The following MUC15 variants were observed in gnomAD, a reference collection of about 807,000 sequenced individuals.
The protein encoded by MUC15 is mucin-15.
Under a neutral mutation model 24.0 loss-of-function variants are expected in MUC15, and 23 were observed. The observed-to-expected ratio is 0.96, with a 90% CI of 0.69 to 1.36. MUC15 has a LOEUF of 1.36. MUC15 is among the 40% of genes most tolerant of loss of function. MUC15 has a pLI of 0.00. For missense variants in MUC15, 442 were observed against 428.2 expected (o/e 1.03, Z -0.29); for synonymous variants, 151 against 156.3 (o/e 0.97, Z 0.25).
At chr11:26,564,947 C>A (rs1040041893) in intron 3 of MUC15, among the ~76,000 whole-genome samples, 2 of 150,642 alleles carry the variant, frequency 1.3e-5, no homozygotes, top group Non-Finnish European at 3.0e-5. Flanking sequence ...TGTCTCCTTA[C>A]ACTCCCAAAG....
intron 1 of MUC15, among the ~76,000 whole-genome samples, chr11:26,568,946 T>A (rs186176800): frequency 3.5e-3 from 529 of 152,250 alleles, no homozygotes; most frequent in African/African-American, 0.012. Context: ...TGGCATTCGA[T>A]TTATTTTCTC....
rs1221285154 is a variant in MUC15, at chr11:26,565,796, G to A, written c.144C>T (p.Ser48=). 4.3e-6 allele frequency: 7 copies of A among 1,612,974 alleles called. No homozygotes were observed. Among genetic ancestry groups the A allele is most frequent in the South Asian group, 1.1e-5 (1 of 91,044 alleles). ...STLFYSLLSG[S]HGKENQDINT... ...TTATGTCTTGATTTTCTTTTCCATG[G>A]CTCCCCGATAGAAGTGAATAAAACA... The change falls in exon 3 of 5, where the codon AGC becomes AGT. Residue 48 remains serine (S), a synonymous_variant. Transcript: ENST00000529533.
At chr11:26,561,913 C>T (rs1850309674) in intron 4 of MUC15, among the ~76,000 whole-genome samples, 1 of 151,934 alleles carries the variant, frequency 6.6e-6, no homozygotes, top group South Asian at 2.1e-4. Flanking sequence ...TATCAGTAAA[C>T]TATTCACTTA....
In MUC15 at chr11:26,565,675, T is replaced by C. The variant is rs746072941; in HGVS notation, c.265A>G (p.Ile89Val). ...CTCGCCTTGAGATTTGAGGTGGTTA[T>C]ATTTTCTTTATCTGAGTTTAAGTTT... ...EANLNSDKEN[I>V]TTSNLKASHS... Residue 89 changes from isoleucine (I) to valine (V), a missense_variant, in exon 3 of 5, where the codon ATA becomes GTA. Ile to Val is a conservative substitution (Grantham distance 29). Transcript: ENST00000529533. 3 of 1,613,298 alleles carry C rather than the reference T, an allele frequency of 1.9e-6. No individual in the cohort carries two copies. The highest frequency in any genetic ancestry group is 1.7e-5 in the Admixed American group (1 of 59,826).
chr11:26,571,264 T>C (rs1378472866), intron 1 of MUC15, among the ~76,000 whole-genome samples: 1 of 152,100 alleles, frequency 6.6e-6, no homozygotes, highest in Non-Finnish European at 1.5e-5. Flanking sequence ...TACTGTAATG[T>C]CTATAGGAGC....
chr11:26,561,061 A>G lies in MUC15; in HGVS notation c.*4T>C. The G allele has an allele frequency of 6.2e-7, 1 of 1,602,176 alleles. No homozygotes were observed. Among genetic ancestry groups the G allele is most frequent in the South Asian group, 1.1e-5 (1 of 88,956 alleles). On this transcript the variant is annotated 3_prime_UTR_variant, in exon 5 of 5. Coordinates refer to ENST00000529533, the MANE Select transcript of MUC15 (RefSeq NM_001135091.2). ...TGCTGTTTAACGCCTTTTTGCTGTT[A>G]GTTCTATACAGAAGTACGAAGTGGA...
intron 4 of MUC15, among the ~76,000 whole-genome samples, chr11:26,561,521 A>G (rs541246108): frequency 2.6e-5 from 4 of 152,084 alleles, no homozygotes; most frequent in African/African-American, 9.6e-5. Flanking sequence ...AGTGTAGACC[A>G]TACCTCATTG....
At position 26,560,162 on chromosome 11, in the gene MUC15, G is replaced by T; in HGVS notation, c.*903C>A. Reference sequence around the variant, plus strand: ...TTCCATTCATCTTTTTTAACCTTATGGTTCATACATTTAGGGATGCAGAAT... The same window carrying T: ...TTCCATTCATCTTTTTTAACCTTATTGTTCATACATTTAGGGATGCAGAAT... On this transcript the variant is annotated 3_prime_UTR_variant, in exon 5 of 5. Coordinates refer to ENST00000529533, the MANE Select transcript of MUC15 (RefSeq NM_001135091.2). 2 of 173,880 alleles carry T rather than the reference G, an allele frequency of 1.2e-5. No homozygotes were observed. The highest frequency in any genetic ancestry group is 2.4e-5 in the Non-Finnish European group (2 of 81,706). The allele number at this position is 173,880 out of a possible 1,614,324, so 10.8% of individuals were successfully genotyped here.
intron 1 of MUC15, among the ~76,000 whole-genome samples, chr11:26,569,088 T>C (rs1850715405): frequency 6.6e-6 from 1 of 151,688 alleles, no homozygotes; most frequent in Admixed American, 6.6e-5. Flanking sequence ...TTTCATTACC[T>C]GCCTGTAATG....
intron 3 of MUC15, 130 bp from the exon 4 acceptor site, chr11:26,563,395 C>CTCTCTCTCTGTGTGTG (rs371195680): frequency 1.9e-6 from 1 of 538,882 alleles, no homozygotes. Context: ...GTTTCTCTCT[C>CTCTCTCTCTGTGTGTG]TGTGTGTGTG....
Position 26,559,141 on chromosome 11 carries a change from A to T in MUC15, c.*1924T>A, listed in dbSNP as rs1346145424. ...ATGAAGTTTCAGTTGATATCTGATTAAAAAACACTTTGTTTCATAAGTGTT... is the reference window on the plus strand; with the variant it reads ...ATGAAGTTTCAGTTGATATCTGATTTAAAAACACTTTGTTTCATAAGTGTT... On this transcript the variant is annotated 3_prime_UTR_variant, in exon 5 of 5. Coordinates refer to ENST00000529533, the MANE Select transcript of MUC15 (RefSeq NM_001135091.2). 6.6e-6 allele frequency: 1 copy of T among 152,250 alleles called. No individual in the cohort carries two copies. 9.4% of individuals were successfully genotyped at this position (152,250 alleles called of 1,614,324 possible).
intron 1 of MUC15, among the ~76,000 whole-genome samples, chr11:26,571,044 C>T (rs1440761628): frequency 1.3e-5 from 2 of 152,018 alleles, no homozygotes; most frequent in African/African-American, 2.4e-5. Flanking sequence ...AGTTTGAGAA[C>T]ATTATTCTGG....
Position 26,563,220 on chromosome 11 carries a change from A to G in MUC15, c.821T>C (p.Ile274Thr). ...GIVFGAILGAILGVSLLTLVG... is the reference protein window; with the variant it reads ...GIVFGAILGATLGVSLLTLVG... ...AAGAGTAAGCAATGAGACACCCAGA[A>G]TAGCACCTAAAATGGCCCCGAATAC... The change falls in exon 4 of 5, where the codon ATT becomes ACT. Residue 274 changes from isoleucine (I) to threonine (T), a missense_variant. Coordinates refer to ENST00000529533, the MANE Select transcript of MUC15 (RefSeq NM_001135091.2). The G allele has an allele frequency of 1.9e-6, 3 of 1,611,952 alleles. No homozygotes were observed. Among genetic ancestry groups the G allele is most frequent in the Non-Finnish European group, 2.5e-6 (3 of 1,178,594 alleles).
intron 4 of MUC15, among the ~76,000 whole-genome samples, chr11:26,561,589 G>C (rs959406145): frequency 2.0e-5 from 3 of 151,698 alleles, no homozygotes; most frequent in African/African-American, 7.3e-5. Context: ...TGTCACTTCT[G>C]GTGTAAAATT....
chr11:26,565,311 A>C lies in MUC15; in HGVS notation c.629T>G (p.Leu210Trp). The C allele has an allele frequency of 6.2e-7, 1 of 1,610,758 alleles. No individual in the cohort carries two copies. Among genetic ancestry groups the C allele is most frequent in the African/African-American group, 1.3e-5 (1 of 74,890 alleles). The change falls in exon 3 of 5, where the codon TTG becomes TGG. Residue 210 changes from leucine (L) to tryptophan (W), a missense_variant. Coordinates refer to ENST00000529533, the MANE Select transcript of MUC15 (RefSeq NM_001135091.2). ...AAGCCATCCACTTGGTTCCACTATC[A>C]AGGGGGTCACAGATGGAGAAGTTGG... ...SEPTSPSVTP[L>W]IVEPSGWLTT...
chr11:26,560,908 A>C lies in MUC15; in HGVS notation c.*157T>G, dbSNP rs1256553484. The C allele has an allele frequency of 1.2e-5, 8 of 673,866 alleles. No homozygotes were observed. Among genetic ancestry groups the C allele is most frequent in the Admixed American group, 3.7e-5 (1 of 26,896 alleles). 41.7% of individuals were successfully genotyped at this position (673,866 alleles called of 1,614,324 possible). A position where few individuals can be genotyped will look rare whatever the true frequency, so the allele number is the denominator to read the frequency against. On this transcript the variant is annotated 3_prime_UTR_variant, in exon 5 of 5. Coordinates refer to ENST00000529533, the MANE Select transcript of MUC15 (RefSeq NM_001135091.2). ...AAGAAAGAAAACCTTTGGATGATACATCCTGTCTACATTTCTGCTACTGGT... is the reference window on the plus strand; with the variant it reads ...AAGAAAGAAAACCTTTGGATGATACCTCCTGTCTACATTTCTGCTACTGGT...
Position 26,560,113 on chromosome 11 carries a change from G to A in MUC15, c.*952C>T. The A allele has an allele frequency of 4.6e-6, 1 of 217,024 alleles. No homozygotes were observed. Among genetic ancestry groups the A allele is most frequent in the Non-Finnish European group, 9.1e-6 (1 of 110,292 alleles). 13.4% of individuals were successfully genotyped at this position (217,024 alleles called of 1,614,324 possible). A position where few individuals can be genotyped will look rare whatever the true frequency, so the allele number is the denominator to read the frequency against. ...TTATATTATTGATTATGAAACTGAT[G>A]CTCAGTAAAAAGTTGTTTGATATTT... On this transcript the variant is annotated 3_prime_UTR_variant, in exon 5 of 5. Coordinates refer to ENST00000529533, the MANE Select transcript of MUC15 (RefSeq NM_001135091.2).
chr11:26,567,294 T>C (rs1034864310), intron 1 of MUC15, among the ~76,000 whole-genome samples, 155 bp from the exon 2 acceptor site: 24 of 151,924 alleles, frequency 1.6e-4, no homozygotes, highest in African/African-American at 5.3e-4. Flanking sequence ...TTTCATGTTT[T>C]TGAATTGAAC....
At position 26,567,035 on chromosome 11, in the gene MUC15, T is replaced by A; in HGVS notation, c.43+17A>T. 6.8e-7 allele frequency: 1 copy of A among 1,480,982 alleles called. No individual in the cohort carries two copies. Among genetic ancestry groups the A allele is most frequent in the Non-Finnish European group, 9.0e-7 (1 of 1,109,050 alleles). The allele number at this position is 1,480,982 out of a possible 1,614,324, so 91.7% of individuals were successfully genotyped here. On this transcript the variant is annotated intron_variant, in intron 2 of 4. Transcript: ENST00000529533. ...TTTGGTTACAAAGTTTACAGTATCA[T>A]CTTATTTGATACTTACAACAATCCC...
Sources: gnomAD v4.1 joint callset for allele counts (sites outside exome capture counted in the v4.1 genomes callset) on GRCh38, gnomAD v4.1.1 for gene constraint, MANE v1.5 for transcripts, NCBI Gene and HGNC (gene_info 2026-07-23, HGNC 2026-07-21) for gene names.